The following MYO10 variants were observed in gnomAD, a reference collection of about 807,000 sequenced individuals.
MYO10 encodes the protein myosin X.
A neutral mutation model predicts 257.3 loss-of-function variants in MYO10; 133 were observed. The ratio of observed to expected loss-of-function variants is 0.52; its 90% CI spans 0.45 to 0.60. The LOEUF (loss-of-function observed/expected upper bound fraction) is 0.60. Among genes scored for constraint, MYO10 ranks in the 20% least tolerant of loss-of-function variants. The pLI is 0.00. For missense variants in MYO10, 2,399 were observed against 2,635.7 expected, an observed-to-expected ratio of 0.91 and a Z score of 1.97; for synonymous variants, 1,104 against 1,028.6, an observed-to-expected ratio of 1.07 and a Z score of -1.40.
chr5:16,705,186 A>T (rs1487721924), intron 21 of MYO10, among the ~76,000 whole-genome samples: 2 of 152,214 alleles, frequency 1.3e-5, no homozygotes, highest in Non-Finnish European at 2.9e-5. Flanking sequence ...CTGCTATGTG[A>T]TTACAATCAG....
chr5:16,833,217 GT>G (rs60623939), intron 2 of MYO10, among the ~76,000 whole-genome samples: 8,157 of 143,588 alleles, frequency 0.057, 704 homozygotes, highest in African/African-American at 0.19. Context: ...TACTAGGTTT[GT>G]TTTTTTTTTT....
At chr5:16,907,047 G>A (rs1745538927) in intron 1 of MYO10, among the ~76,000 whole-genome samples, 1 of 152,094 alleles carries the variant, frequency 6.6e-6, no homozygotes, top group Admixed American at 6.6e-5. Flanking sequence ...CCGGAAGGTG[G>A]AGGTTGCAGT....
chr5:16,801,315 C>A (rs1742114116), intron 3 of MYO10, among the ~76,000 whole-genome samples: 1 of 152,154 alleles, frequency 6.6e-6, no homozygotes, highest in African/African-American at 2.4e-5. Flanking sequence ...TAAAGCAATT[C>A]TCCTGCCTCA....
chr5:16,692,025 TAAAA>T lies in MYO10; in HGVS notation c.3801-2110_3801-2107del, dbSNP rs1561185309. ...TACATTAAAAGAGACTTGAGTGATCTAAAAACCAGTGACAACATCTAGACCTCAT... is the reference window on the plus strand; with the variant it reads ...TACATTAAAAGAGACTTGAGTGATCTACCAGTGACAACATCTAGACCTCAT... On this transcript the variant is annotated intron_variant, in intron 27 of 40. Coordinates refer to ENST00000513610, the MANE Select transcript of MYO10 (RefSeq NM_012334.3). 2.0e-5 allele frequency among the ~76,000 whole-genome samples: 3 copies of T among 152,170 alleles called. No homozygotes were observed. In the South Asian group the frequency reaches 6.2e-4, roughly 32 times the overall value.
At chr5:16,813,777 A>C (rs936582447) in intron 3 of MYO10, among the ~76,000 whole-genome samples, 2 of 152,174 alleles carry the variant, frequency 1.3e-5, no homozygotes, top group Non-Finnish European at 2.9e-5. Flanking sequence ...AAAAGCAGAC[A>C]GCCTTTCTTG....
Position 16,763,685 on chromosome 5 carries a change from A to G in MYO10, c.1397T>C (p.Ile466Thr). The change falls in exon 13 of 41, where the codon ATT becomes ACT. Residue 466 changes from isoleucine (I) to threonine (T), a missense_variant. Physicochemically the swap from Ile to Thr is moderately conservative, Grantham distance 89. This residue lies in a region of MYO10 where 337 missense variants were observed against 446.8 expected (regional missense o/e 0.75). Transcript: ENST00000513610. The part of the protein sequence containing the change: ...EKLQEYFNKH[I>T]FSLEQLEYSR... The stretch of plus-strand genomic sequence containing the variant: ...ATATTCTAGTTGTTCTAAAGAAAAA[A>G]TATGCTTGTTGAAGTACTCCTGAAG... The G allele has an allele frequency of 6.2e-7, 1 of 1,610,866 alleles. No individual in the cohort carries two copies. The highest frequency in any genetic ancestry group is 1.3e-5 in the African/African-American group (1 of 74,996).
chr5:16,887,873 C>T (rs988796857), intron 1 of MYO10, among the ~76,000 whole-genome samples: 4 of 152,154 alleles, frequency 2.6e-5, no homozygotes, highest in Non-Finnish European at 5.9e-5. Flanking sequence ...TTTTAAACTA[C>T]AGTGACCAGA....
At chr5:16,857,787 GCTGGTCGCA>G (rs1237629690) in intron 2 of MYO10, among the ~76,000 whole-genome samples, 1 of 152,212 alleles carries the variant, frequency 6.6e-6, no homozygotes, top group African/African-American at 2.4e-5. Context: ...ACTCATCCTG[GCTGGTCGCA>G]CTGGTTGCAA....
chr5:16,672,333 A>T (rs1359475070), intron 37 of MYO10, among the ~76,000 whole-genome samples: 1 of 150,786 alleles, frequency 6.6e-6, no homozygotes, highest in African/African-American at 2.4e-5. Flanking sequence ...TATTGTAGAC[A>T]TAACACATAG....
chr5:16,719,985 C>CGTGTGT (rs1211912430), intron 19 of MYO10, among the ~76,000 whole-genome samples: 5 of 83,864 alleles, frequency 6.0e-5, no homozygotes, highest in African/African-American at 2.4e-4. Flanking sequence ...AATGTGTGTG[C>CGTGTGT]GTGCGTGTGT....
At position 16,710,902 on chromosome 5, in the gene MYO10, T is replaced by C; in HGVS notation, c.2169+6A>G. ...CGGTGGGAGTTGCTCTTTCTCCGCA[T>C]CGTACCTTGGTCTTCCCCAGCTGCC... On this transcript the variant is annotated splice_donor_region_variant and intron_variant, in intron 21 of 40. Transcript: ENST00000513610. The C allele has an allele frequency of 6.2e-7, 1 of 1,612,042 alleles. No individual in the cohort carries two copies. Among genetic ancestry groups the C allele is most frequent in the Non-Finnish European group, 8.5e-7 (1 of 1,179,076 alleles).
chr5:16,792,168 GAGACAGAGAC>G (rs1271319047), intron 4 of MYO10, among the ~76,000 whole-genome samples: 40 of 146,938 alleles, frequency 2.7e-4, no homozygotes, highest in African/African-American at 9.3e-4. Context: ...GAGAGAGGGA[GAGACAGAGAC>G]AGACAGAGAC....
intron 3 of MYO10, 83 bp from the exon 4 acceptor site, chr5:16,794,916 GC>G: frequency 8.9e-7 from 1 of 1,128,330 alleles, no homozygotes. Flanking sequence ...CCGAGTGTGC[GC>G]CAGGGGGAAA....
At chr5:16,745,759 A>G (rs1740175659) in intron 19 of MYO10, among the ~76,000 whole-genome samples, 1 of 152,206 alleles carries the variant, frequency 6.6e-6, no homozygotes, top group Non-Finnish European at 1.5e-5. Context: ...GGAAAGATTA[A>G]ATTCTCTGTT....
intron 2 of MYO10, among the ~76,000 whole-genome samples, chr5:16,856,085 T>A (rs1293907901): frequency 3.3e-5 from 5 of 152,202 alleles, no homozygotes; most frequent in Non-Finnish European, 7.3e-5. Flanking sequence ...TTGTTTTCTG[T>A]GAGATTGCAC....
chr5:16,769,270 C>A, intron 9 of MYO10, 67 bp from the exon 10 acceptor site: 1 of 1,446,926 alleles, frequency 6.9e-7, no homozygotes, highest in Non-Finnish European at 9.2e-7. Context: ...TAGAATATCC[C>A]TGATAATATA....
At chr5:16,935,635 G>T (rs1746418549) in intron 1 of MYO10, among the ~76,000 whole-genome samples, 153 bp downstream of exon 1, 1 of 152,116 alleles carries the variant, frequency 6.6e-6, no homozygotes, top group South Asian at 2.1e-4. Flanking sequence ...ACTCATCAGA[G>T]ACTCCGCGGG....
chr5:16,847,686 T>G (rs1227122825), intron 2 of MYO10, among the ~76,000 whole-genome samples: 1 of 152,032 alleles, frequency 6.6e-6, no homozygotes, highest in Non-Finnish European at 1.5e-5. Context: ...GTCGTGATTG[T>G]GCCACTGCCC....
intron 4 of MYO10, among the ~76,000 whole-genome samples, chr5:16,792,587 G>A (rs1579995922): frequency 2.5e-5 from 1 of 40,022 alleles, no homozygotes; most frequent in Admixed American, 3.0e-4. Flanking sequence ...CAGGAGCGGG[G>A]GGCGGGGGGC....
Sources: allele counts gnomAD v4.1 joint callset (sites outside exome capture counted in the v4.1 genomes callset), GRCh38; gene constraint gnomAD v4.1.1; regional missense constraint gnomAD v4.1.1; transcripts MANE v1.5; gene names NCBI Gene and HGNC (gene_info 2026-07-23, HGNC 2026-07-21).